ESRP1: variants seen among roughly 807,000 people sequenced by gnomAD.
The protein encoded by ESRP1 is epithelial splicing regulatory protein 1, also known as RNA-binding motif protein 35A.
In ESRP1, 33 loss-of-function variants were observed where a neutral mutation model predicts 81.7. The observed-to-expected ratio is 0.40, with a 90% CI of 0.31 to 0.54. ESRP1 has a LOEUF of 0.54. ESRP1 is among the 20% of genes least tolerant of loss of function. ESRP1 has a pLI of 0.41. For missense variants in ESRP1, 672 were observed against 833.1 expected (o/e 0.81, Z 2.38); for synonymous variants, 320 against 303.3 (o/e 1.06, Z -0.57).
chr8:94,690,561 C>A (rs1809362101), intron 13 of ESRP1, among the ~76,000 whole-genome samples: 1 of 152,004 alleles, frequency 6.6e-6, no homozygotes, highest in African/African-American at 2.4e-5. Flanking sequence ...GGATAAGAAT[C>A]CAAATTGTGT....
intron 15 of ESRP1, chr8:94,705,618 C>T: frequency 4.0e-6 from 1 of 252,942 alleles, no homozygotes; most frequent in Non-Finnish European, 7.5e-6. Context: ...CAGAAAGGAG[C>T]TGAGCTGAGC....
At chr8:94,664,283 C>A (rs992937295) in intron 6 of ESRP1, among the ~76,000 whole-genome samples, 1 of 151,978 alleles carries the variant, frequency 6.6e-6, no homozygotes. Context: ...ACCACCATGC[C>A]CGGCTAATTT....
intron 11 of ESRP1, 93 bp from the exon 12 acceptor site, chr8:94,674,215 G>A: frequency 7.3e-7 from 1 of 1,375,056 alleles, no homozygotes; most frequent in East Asian, 2.3e-5. Context: ...TCTGTATTAT[G>A]GGTGATTGTC....
intron 13 of ESRP1, among the ~76,000 whole-genome samples, chr8:94,684,878 A>AT (rs1341385436): frequency 6.6e-6 from 1 of 152,044 alleles, no homozygotes; most frequent in Non-Finnish European, 1.5e-5. Flanking sequence ...CATGCAAAAA[A>AT]TTTAAGTTGG....
intron 4 of ESRP1, among the ~76,000 whole-genome samples, chr8:94,647,667 T>A (rs562425574): frequency 6.6e-6 from 1 of 152,130 alleles, no homozygotes; most frequent in Non-Finnish European, 1.5e-5. Context: ...GATAGTTACA[T>A]TGGGGGTTGG....
chr8:94,662,119 A>G (rs2130605450), intron 4 of ESRP1, among the ~76,000 whole-genome samples, 153 bp from the exon 5 acceptor site: 1 of 152,340 alleles, frequency 6.6e-6, no homozygotes, highest in South Asian at 2.1e-4. Context: ...CCTAAGTTGA[A>G]TGACTGACTG....
rs1808705482 is a variant in ESRP1, at chr8:94,677,824, T to C, written c.1652-379T>C. Among the ~76,000 whole-genome samples the C allele has an allele frequency of 2.0e-5, 3 of 152,180 alleles. No homozygotes were observed. The South Asian group carries it at 6.2e-4, about 31-fold the overall frequency. On this transcript the variant is annotated intron_variant, in intron 12 of 15. Transcript: ENST00000433389. ...GAAGCATAACTTAAAATTTAAAATA[T>C]TTAGTAGCCTCTAGTATGAAACTTA...
chr8:94,670,685 T>C (rs1293380951), intron 10 of ESRP1, among the ~76,000 whole-genome samples: 4 of 152,242 alleles, frequency 2.6e-5, no homozygotes, highest in African/African-American at 4.8e-5. Flanking sequence ...CCTTGTAATA[T>C]GAGTGTTGCC....
chr8:94,676,138 C>A (rs1819573997), intron 12 of ESRP1, among the ~76,000 whole-genome samples: 1 of 152,164 alleles, frequency 6.6e-6, no homozygotes, highest in South Asian at 2.1e-4. Flanking sequence ...CTTTAGGAGG[C>A]TGAGGCAGGT....
At chr8:94,676,229 C>T (rs112235367) in intron 12 of ESRP1, among the ~76,000 whole-genome samples, 179 of 151,712 alleles carry the variant, frequency 1.2e-3, no homozygotes, top group Non-Finnish European at 2.0e-3. Context: ...GGAGTGGTGG[C>T]GCACATCTGT....
chr8:94,699,152 G>A (rs1158557242), intron 15 of ESRP1, among the ~76,000 whole-genome samples: 1 of 152,146 alleles, frequency 6.6e-6, no homozygotes, highest in Non-Finnish European at 1.5e-5. Flanking sequence ...GGAAATGGAA[G>A]CTTTTGACAT....
intron 4 of ESRP1, among the ~76,000 whole-genome samples, chr8:94,657,222 C>T (rs1035448819): frequency 1.3e-5 from 2 of 152,130 alleles, no homozygotes; most frequent in African/African-American, 2.4e-5. Flanking sequence ...GCTGGCTAAG[C>T]CTGTTTGTAC....
chr8:94,701,735 G>T lies in ESRP1; in HGVS notation c.*36-4190G>T, dbSNP rs575103260. 1.3e-3 allele frequency among the ~76,000 whole-genome samples: 194 copies of T among 151,996 alleles called. 1 individual carries two copies. The Middle Eastern group carries it at 0.02, about 16-fold the overall frequency. On this transcript the variant is annotated intron_variant, in intron 15 of 15. Coordinates refer to ENST00000433389, the MANE Select transcript of ESRP1 (RefSeq NM_017697.4). ...GGCTGGGATACCGGCATGAGCCACTGTGCCTGGCCAAGTTCCAAGTTTCGT... is the reference window on the plus strand; with the variant it reads ...GGCTGGGATACCGGCATGAGCCACTTTGCCTGGCCAAGTTCCAAGTTTCGT...
chr8:94,700,169 G>A (rs1362784216), intron 15 of ESRP1, among the ~76,000 whole-genome samples: 2 of 152,196 alleles, frequency 1.3e-5, no homozygotes. Context: ...TAACCAAACT[G>A]TAGCATGGCA....
In ESRP1 at chr8:94,651,315, C is replaced by T. The variant is rs890425475; in HGVS notation, c.490+5033C>T. 6.0e-5 allele frequency among the ~76,000 whole-genome samples: 8 copies of T among 133,188 alleles called. No homozygotes were observed. In the East Asian group the frequency reaches 7.1e-4, roughly 12 times the overall value. The allele number at this position is 133,188 out of a possible 152,430, so 87.4% of individuals were successfully genotyped here. On this transcript the variant is annotated intron_variant, in intron 4 of 15. Transcript: ENST00000433389. ...GAGTGCATTGGTGCTGTAATGCTAT[C>T]GTGGCTCACTGTGGCCTCAAACTCC...
rs201842226 is a variant in ESRP1, at chr8:94,664,728, G to A, written c.676G>A (p.Val226Ile). The stretch of plus-strand genomic sequence containing the variant: ...GATGGAACTTATTGATGATAACACC[G>A]TAGTCAGGGCACGAGGTTTACCATG... ...SKMELIDDNT[V>I]VRARGLPWQS... The change falls in exon 7 of 16, where the codon GTA (valine) becomes ATA (isoleucine). Residue 226 changes from valine to isoleucine, a missense_variant. Coordinates refer to ENST00000433389, the MANE Select transcript of ESRP1 (RefSeq NM_017697.4). 5.2e-5 allele frequency: 84 copies of A among 1,613,736 alleles called. No homozygotes were observed. The highest frequency in any genetic ancestry group is 1.1e-4 in the African/African-American group (8 of 74,906).
At chr8:94,648,749 T>G (rs1291341582) in intron 4 of ESRP1, among the ~76,000 whole-genome samples, 1 of 152,236 alleles carries the variant, frequency 6.6e-6, no homozygotes, top group Non-Finnish European at 1.5e-5. Context: ...GATAAGAGAA[T>G]GTGCAGGTTG....
chr8:94,655,069 G>T (rs62523415), intron 4 of ESRP1, among the ~76,000 whole-genome samples: 41,774 of 143,256 alleles, frequency 0.29, 6,233 homozygotes, highest in East Asian at 0.39. Flanking sequence ...GGTTTTTTGT[G>T]TGTGTGTGTG....
rs6984755 is a variant in ESRP1 at position 94,668,431 on chromosome 8, A to G, written c.1233+181A>G. On this transcript the variant is annotated intron_variant, in intron 10 of 15. Coordinates refer to ENST00000433389, the MANE Select transcript of ESRP1 (RefSeq NM_017697.4). ...AGCCGCTGTTATCCTGTACACACAC[A>G]CAACACATACTACGTATTTTTACAG... The G allele has an allele frequency of 8.6e-3, 4,424 of 511,450 alleles. 110 individuals carry two copies. The highest frequency in any genetic ancestry group is 0.063 in the African/African-American group (3,244 of 51,902). The allele number at this position is 511,450 out of a possible 1,614,324, so 31.7% of individuals were successfully genotyped here.
Sources: allele counts gnomAD v4.1 joint callset (sites outside exome capture counted in the v4.1 genomes callset), GRCh38; gene constraint gnomAD v4.1.1; transcripts MANE v1.5; gene names NCBI Gene and HGNC (gene_info 2026-07-23, HGNC 2026-07-21).